Variants in MDGA2 observed in about 807,000 individuals in gnomAD.
MDGA2 encodes the protein MAM domain-containing glycosylphosphatidylinositol anchor protein 2.
A neutral mutation model predicts 117.8 loss-of-function variants in MDGA2; 40 were observed. The ratio of observed to expected loss-of-function variants is 0.34; its 90% CI spans 0.26 to 0.44. The LOEUF is 0.44. Among genes scored for constraint, MDGA2 ranks in the 20% least tolerant of loss-of-function variants. The pLI is 1.00. For missense variants in MDGA2, 1,123 were observed against 1,250.6 expected (o/e 0.90, Z 1.54); for synonymous variants, 452 against 439.0 (o/e 1.03, Z -0.37).
chr14:47,079,549 A>T (rs894068509), intron 6 of MDGA2, among the ~76,000 whole-genome samples: 2 of 152,082 alleles, frequency 1.3e-5, no homozygotes, highest in African/African-American at 4.8e-5. Flanking sequence ...AAATTTGGCA[A>T]AAATTTTAGT....
At chr14:46,934,496 A>G (rs557043835) in intron 9 of MDGA2, among the ~76,000 whole-genome samples, 11 of 152,288 alleles carry the variant, frequency 7.2e-5, no homozygotes, top group African/African-American at 2.4e-4. Flanking sequence ...TTAAAAGTTA[A>G]TAAGACTATC....
At chr14:46,984,447 C>A (rs1204905519) in intron 8 of MDGA2, among the ~76,000 whole-genome samples, 1 of 151,768 alleles carries the variant, frequency 6.6e-6, no homozygotes, top group Non-Finnish European at 1.5e-5. Context: ...ATAATCAAAG[C>A]ACCCATACTA....
chr14:47,026,834 A>G (rs533810580), intron 8 of MDGA2, among the ~76,000 whole-genome samples: 5 of 152,272 alleles, frequency 3.3e-5, no homozygotes, highest in African/African-American at 9.6e-5. Flanking sequence ...AAAGGGAGGA[A>G]AGAAAAAAGC....
chr14:47,113,702 A>G (rs1180977853), intron 5 of MDGA2, among the ~76,000 whole-genome samples: 2 of 152,184 alleles, frequency 1.3e-5, no homozygotes, highest in Non-Finnish European at 2.9e-5. Flanking sequence ...GATAAAATTC[A>G]ACATCCCTTC....
At position 47,155,888 on chromosome 14, in the gene MDGA2, C is replaced by CTTTTTTTTTTTTTTTTTTTTTTTTT. The variant is rs55827732; in HGVS notation, c.596-11639_596-11615dup. Among the ~76,000 whole-genome samples the CTTTTTTTTTTTTTTTTTTTTTTTTT allele has an allele frequency of 5.2e-4, 21 of 40,184 alleles. 2 individuals carry two copies. The highest frequency in any genetic ancestry group is 1.3e-3 in the East Asian group (2 of 1,538). The allele number at this position is 40,184 out of a possible 152,430, so 26.4% of individuals were successfully genotyped here. On this transcript the variant is annotated intron_variant, in intron 3 of 16. Transcript: ENST00000399232. The stretch of plus-strand genomic sequence containing the variant: ...ATTCTTTTCTTTTCTTCTTCTTCTT[C>CTTTTTTTTTTTTTTTTTTTTTTTTT]TTTTTTTTTTTTTTTTTTTTTTTTT...
At chr14:47,427,461 T>A (rs982238045) in intron 1 of MDGA2, among the ~76,000 whole-genome samples, 17 of 152,150 alleles carry the variant, frequency 1.1e-4, no homozygotes, top group Non-Finnish European at 2.2e-4. Flanking sequence ...ACCAATTTGA[T>A]CAGTAGTGAC....
intron 5 of MDGA2, among the ~76,000 whole-genome samples, chr14:47,117,586 G>C (rs1348023323): frequency 1.3e-5 from 2 of 152,100 alleles, no homozygotes; most frequent in Non-Finnish European, 2.9e-5. Flanking sequence ...AATAAGCAAA[G>C]TCTGCAATAT....
chr14:47,373,149 C>T (rs1026759920), intron 1 of MDGA2, among the ~76,000 whole-genome samples: 3 of 151,822 alleles, frequency 2.0e-5, no homozygotes, highest in African/African-American at 7.3e-5. Context: ...TATCTTTGAT[C>T]ATTTGGAGAG....
intron 1 of MDGA2, among the ~76,000 whole-genome samples, chr14:47,626,756 AG>A (rs2138211089): frequency 6.6e-6 from 1 of 152,294 alleles, no homozygotes; most frequent in South Asian, 2.1e-4. Flanking sequence ...CCAGCGAGGC[AG>A]GGCTCGGGAC....
intron 6 of MDGA2, among the ~76,000 whole-genome samples, chr14:47,096,357 T>G (rs1026801826): frequency 1.2e-4 from 18 of 152,154 alleles, no homozygotes; most frequent in African/African-American, 4.3e-4. Flanking sequence ...ATATGACTAT[T>G]GATATATATT....
chr14:47,115,234 T>G (rs1379149171), intron 5 of MDGA2, among the ~76,000 whole-genome samples: 2 of 152,054 alleles, frequency 1.3e-5, no homozygotes, highest in Admixed American at 1.3e-4. Context: ...ATATAATATC[T>G]TGATTGCTTG....
At chr14:47,643,146 A>G (rs931376001) in intron 1 of MDGA2, among the ~76,000 whole-genome samples, 1 of 152,082 alleles carries the variant, frequency 6.6e-6, no homozygotes, top group Non-Finnish European at 1.5e-5. Context: ...ATCACATTCT[A>G]TTCTTAAAGG....
chr14:47,603,579 AG>A (rs1318523750), intron 1 of MDGA2, among the ~76,000 whole-genome samples: 1 of 152,110 alleles, frequency 6.6e-6, no homozygotes, highest in Non-Finnish European at 1.5e-5. Flanking sequence ...AATTAGAATG[AG>A]GATTTGTTTC....
Position 47,674,545 on chromosome 14 carries a change from C to T in MDGA2, c.252G>A (p.Leu84=), listed in dbSNP as rs1291792817. The stretch of plus-strand genomic sequence containing the variant: ...ACACTCCTTGGCCAGAGATCCCCTC[C>T]AGGAGGACTGTCAGCAGCCACACGA... The part of the protein sequence containing the change: ...YGLVWLLTVL[L]EGISGQGVYA... The change falls in exon 1 of 17, where the codon CTG becomes CTA. Residue 84 remains leucine (L), a synonymous_variant. Coordinates refer to ENST00000399232, the MANE Select transcript of MDGA2 (RefSeq NM_001113498.3). The T allele has an allele frequency of 1.3e-6, 2 of 1,551,252 alleles. No homozygotes were observed. Among genetic ancestry groups the T allele is most frequent in the African/African-American group, 2.7e-5 (2 of 72,988 alleles).
At chr14:47,493,781 T>C (rs1280186295) in intron 1 of MDGA2, among the ~76,000 whole-genome samples, 5 of 152,226 alleles carry the variant, frequency 3.3e-5, no homozygotes. Flanking sequence ...TACCAATGCA[T>C]ATAACAAATG....
intron 1 of MDGA2, among the ~76,000 whole-genome samples, chr14:47,491,364 C>G (rs1894166304): frequency 6.6e-6 from 1 of 152,030 alleles, no homozygotes; most frequent in Non-Finnish European, 1.5e-5. Flanking sequence ...CGTAAAACCA[C>G]AAACATTTTA....
At chr14:47,199,249 A>T (rs1346093737) in intron 3 of MDGA2, among the ~76,000 whole-genome samples, 1 of 152,056 alleles carries the variant, frequency 6.6e-6, no homozygotes, top group African/African-American at 2.4e-5. Context: ...GTATTTTCAC[A>T]TCTGATTTTT....
At chr14:47,660,268 A>G (rs1897820845) in intron 1 of MDGA2, among the ~76,000 whole-genome samples, 2 of 152,212 alleles carry the variant, frequency 1.3e-5, no homozygotes, top group Non-Finnish European at 2.9e-5. Flanking sequence ...TTAGAAATGC[A>G]TGGCGCTACA....
chr14:47,475,722 G>C (rs778730026), intron 1 of MDGA2, among the ~76,000 whole-genome samples: 1 of 152,128 alleles, frequency 6.6e-6, no homozygotes, highest in African/African-American at 2.4e-5. Context: ...ACTAATGCAG[G>C]AACAGAAAAT....
Sources: allele counts gnomAD v4.1 joint callset (sites outside exome capture counted in the v4.1 genomes callset), GRCh38; gene constraint gnomAD v4.1.1; transcripts MANE v1.5; gene names NCBI Gene and HGNC (gene_info 2026-07-23, HGNC 2026-07-21).